Variants in THADA observed in about 807,000 individuals in gnomAD.
THADA encodes the protein THADA armadillo repeat containing.
THADA carries 213 observed loss-of-function variants against 219.8 expected under a neutral mutation model. The ratio of observed to expected loss-of-function variants is 0.97; its 90% CI spans 0.87 to 1.09. THADA has a LOEUF of 1.09. THADA is among the 50% of genes least tolerant of loss of function. THADA has a pLI of 0.00. For synonymous variants in THADA, 1,018 were observed against 828.9 expected (o/e 1.23, Z -3.92); for missense variants, 2,956 against 2,311.3 (o/e 1.28, Z -5.72).
rs57877776 is a variant in THADA, at chr2:43,586,179, C to T, written c.533+222G>A. 8.3e-3 allele frequency among the ~76,000 whole-genome samples: 1,264 copies of T among 152,190 alleles called. 16 individuals are homozygous for T. The highest frequency in any genetic ancestry group is 0.026 in the African/African-American group (1,062 of 41,516). On this transcript the variant is annotated intron_variant, in intron 7 of 37. Transcript: ENST00000405975. ...ACGTGGGAAGCTGAGGTGATACAAA[C>T]ACTTGAGCCCAGGAGGTTGAGGCTG... is the stretch of plus-strand genomic sequence containing the variant.
chr2:43,571,744 G>A lies in THADA; in HGVS notation c.2027C>T (p.Pro676Leu). The A allele has an allele frequency of 1.2e-6, 2 of 1,613,820 alleles. No homozygotes were observed. Among genetic ancestry groups the A allele is most frequent in the Non-Finnish European group, 1.7e-6 (2 of 1,179,826 alleles). The change falls in exon 13 of 38, where the codon CCA becomes CTA. Residue 676 changes from proline (P) to leucine (L), a missense_variant. Coordinates refer to ENST00000405975, the MANE Select transcript of THADA (RefSeq NM_022065.5). ...FITYNLNSQS[P>L]GVRQQICSLL... is the part of the protein sequence containing the mutation. ...AGAACAGATCTGTTGCCGCACTCCT[G>A]GAGACTGGCTGTTAAGATTGTATGT...
At chr2:43,557,901 C>G (rs935568891) in intron 16 of THADA, among the ~76,000 whole-genome samples, 1 of 152,174 alleles carries the variant, frequency 6.6e-6, no homozygotes, top group South Asian at 2.1e-4. Context: ...CTGTTTATTT[C>G]AATTTAAATT....
Position 43,329,531 on chromosome 2 carries a change from T to C in THADA, c.4344-8991A>G, listed in dbSNP as rs141726763. Among the ~76,000 whole-genome samples, 806 of 152,354 alleles carry C rather than the reference T, an allele frequency of 5.3e-3. 12 individuals carry two copies. Among genetic ancestry groups the C allele is most frequent in the African/African-American group, 0.018 (763 of 41,578 alleles). ...TAACAATATCAACATCTTATTATAT[T>C]AAAAGTTTTCTCTTTAAAAAGTATT... On this transcript the variant is annotated intron_variant, in intron 30 of 37. Coordinates refer to ENST00000405975, the MANE Select transcript of THADA (RefSeq NM_022065.5).
intron 31 of THADA, among the ~76,000 whole-genome samples, chr2:43,311,067 T>C (rs886376916): frequency 6.6e-6 from 1 of 151,932 alleles, no homozygotes; most frequent in Non-Finnish European, 1.5e-5. Flanking sequence ...TCCCAGCTAC[T>C]TGGGAGGCTG....
chr2:43,317,950 A>G (rs1400006697), intron 31 of THADA, among the ~76,000 whole-genome samples: 1 of 152,132 alleles, frequency 6.6e-6, no homozygotes, highest in African/African-American at 2.4e-5. Flanking sequence ...AATTCTTCCT[A>G]TCTCTCCATT....
chr2:43,238,449 A>G (rs942325082), intron 36 of THADA, among the ~76,000 whole-genome samples: 4 of 152,180 alleles, frequency 2.6e-5, no homozygotes, highest in African/African-American at 9.7e-5. Context: ...CACTGGGATG[A>G]CTATAATAAA....
At chr2:43,552,067 G>T in intron 18 of THADA, 137 bp downstream of exon 18, 2 of 1,524,426 alleles carry the variant, frequency 1.3e-6, no homozygotes, top group South Asian at 2.6e-5. Flanking sequence ...ACACAGATAC[G>T]TATGTTTTTA....
At chr2:43,437,904 A>T (rs1419023119) in intron 26 of THADA, among the ~76,000 whole-genome samples, 1 of 152,184 alleles carries the variant, frequency 6.6e-6, no homozygotes, top group Non-Finnish European at 1.5e-5. Flanking sequence ...TCAAGTGATC[A>T]CTGAATAAAG....
chr2:43,341,740 T>A (rs1275719905), intron 30 of THADA, among the ~76,000 whole-genome samples: 1 of 152,212 alleles, frequency 6.6e-6, no homozygotes, highest in African/African-American at 2.4e-5. Context: ...TGGACAGCTC[T>A]GACTTCTTGA....
intron 36 of THADA, among the ~76,000 whole-genome samples, chr2:43,241,851 C>T (rs1278653686): frequency 6.6e-6 from 1 of 152,128 alleles, no homozygotes; most frequent in Admixed American, 6.5e-5. Context: ...TGAAATGGTA[C>T]TGAAGAAGGC....
intron 16 of THADA, among the ~76,000 whole-genome samples, chr2:43,559,111 C>T (rs1178319163): frequency 6.6e-6 from 1 of 152,110 alleles, no homozygotes; most frequent in Admixed American, 6.6e-5. Flanking sequence ...TATGAGGTGA[C>T]ATGTGATGAA....
At chr2:43,328,422 T>G (rs1353672606) in intron 30 of THADA, among the ~76,000 whole-genome samples, 1 of 152,210 alleles carries the variant, frequency 6.6e-6, no homozygotes, top group Non-Finnish European at 1.5e-5. Context: ...TCTGGAGCTT[T>G]GTGAGTGTTT....
intron 36 of THADA, among the ~76,000 whole-genome samples, chr2:43,271,684 A>G (rs1193205195): frequency 7.0e-6 from 1 of 143,870 alleles, no homozygotes; most frequent in African/African-American, 2.6e-5. Context: ...GTGCAATCTC[A>G]GCTCACTGCA....
chr2:43,498,823 C>A lies in THADA; in HGVS notation c.3744+10G>T, dbSNP rs546277690. ...TTAAATCAATGAAAATAAATAGTGACAGCACTTACTGCCCAGACCGGTGAT... is the reference window on the plus strand; with the variant it reads ...TTAAATCAATGAAAATAAATAGTGAAAGCACTTACTGCCCAGACCGGTGAT... On this transcript the variant is annotated intron_variant, in intron 25 of 37. Coordinates refer to ENST00000405975, the MANE Select transcript of THADA (RefSeq NM_022065.5). 1.9e-6 allele frequency: 3 copies of A among 1,610,058 alleles called. No homozygotes were observed. Among genetic ancestry groups the A allele is most frequent in the Non-Finnish European group, 2.5e-6 (3 of 1,178,758 alleles).
chr2:43,339,384 G>A (rs1182773215), intron 30 of THADA, among the ~76,000 whole-genome samples: 1 of 152,182 alleles, frequency 6.6e-6, no homozygotes, highest in Non-Finnish European at 1.5e-5. Flanking sequence ...AGGTTCAAGC[G>A]ATTCTCATGC....
rs773638203 is a variant in THADA at position 43,574,369 on chromosome 2, T to C, written c.1696A>G (p.Lys566Glu). The C allele has an allele frequency of 5.7e-6, 9 of 1,590,696 alleles. No individual in the cohort carries two copies. Among genetic ancestry groups the C allele is most frequent in the African/African-American group, 2.7e-5 (2 of 73,918 alleles). Residue 566 changes from lysine (K) to glutamate (E), a missense_variant, in exon 11 of 38, where the codon AAG becomes GAG. By Grantham distance (56) the Lys-to-Glu change is moderately conservative (BLOSUM62 1). Coordinates refer to ENST00000405975, the MANE Select transcript of THADA (RefSeq NM_022065.5). ...GCATCAATAGAAGTCTGAAGAATCT[T>C]TACCATGTACTGTAAGCTTTCAGGG... Reference protein sequence around the residue: ...YSPESLQYMVKILQTSIDAKT... With the variant: ...YSPESLQYMVEILQTSIDAKT...
intron 28 of THADA, among the ~76,000 whole-genome samples, chr2:43,413,074 G>C (rs974937223): frequency 6.6e-6 from 1 of 152,106 alleles, no homozygotes; most frequent in Admixed American, 6.5e-5. Flanking sequence ...GATAAAAAAA[G>C]CTTCATGATT....
At chr2:43,287,685 G>A (rs1331231546) in intron 34 of THADA, among the ~76,000 whole-genome samples, 2 of 152,186 alleles carry the variant, frequency 1.3e-5, no homozygotes, top group African/African-American at 4.8e-5. Flanking sequence ...GGGAAAGACT[G>A]TCCAGCAAAT....
At chr2:43,302,447 A>T (rs1676375157) in intron 31 of THADA, among the ~76,000 whole-genome samples, 1 of 151,586 alleles carries the variant, frequency 6.6e-6, no homozygotes, top group South Asian at 2.1e-4. Context: ...TCATTTTTGG[A>T]ATTAACTTTT....
Sources: gnomAD v4.1 joint callset for allele counts (sites outside exome capture counted in the v4.1 genomes callset) on GRCh38, gnomAD v4.1.1 for gene constraint, MANE v1.5 for transcripts, NCBI Gene and HGNC (gene_info 2026-07-23, HGNC 2026-07-21) for gene names.